The following MYLK2 variants were observed in gnomAD, a reference collection of about 807,000 sequenced individuals.
MYLK2 encodes the protein myosin light chain kinase 2, skeletal/cardiac muscle.
A neutral mutation model predicts 58.2 loss-of-function variants in MYLK2; 27 were observed. The observed-to-expected ratio is 0.46, with a 90% CI of 0.34 to 0.64. The LOEUF (loss-of-function observed/expected upper bound fraction) is 0.64. Among genes scored for constraint, MYLK2 ranks in the 30% least tolerant of loss-of-function variants. The probability of loss-of-function intolerance (pLI) is 0.01; values close to 1 mark genes in which losing one functional copy is unlikely to be tolerated. For synonymous variants in MYLK2, 310 were observed against 296.7 expected, an observed-to-expected ratio of 1.04 and a Z score of -0.46; for missense variants, 676 against 764.3, an observed-to-expected ratio of 0.88 and a Z score of 1.36.
rs747642542 is a variant in MYLK2, at chr20:31,831,762, T to G, written c.1484T>G (p.Leu495Arg). The G allele has an allele frequency of 2.5e-6, 4 of 1,614,016 alleles. No individual in the cohort carries two copies. Among genetic ancestry groups the G allele is most frequent in the African/African-American group, 2.7e-5 (2 of 74,892 alleles). Residue 495 changes from leucine (L) to arginine (R), a missense_variant, in exon 11 of 13, where the codon CTA becomes CGA. This residue lies in a region of MYLK2 where 370 missense variants were observed against 467.8 expected (regional missense o/e 0.79). Coordinates refer to ENST00000375985, the MANE Select transcript of MYLK2 (RefSeq NM_033118.4). ...DDDTETLNNVLSGNWYFDEET... is the reference protein window; with the variant it reads ...DDDTETLNNVRSGNWYFDEET... ...GACACAGAGACCCTAAACAACGTTC[T>G]ATCTGGCAACTGGTACTTTGATGAA...
chr20:31,823,350 T>TCCC, intron 4 of MYLK2, 127 bp from the exon 5 acceptor site: 3 of 788,692 alleles, frequency 3.8e-6, no homozygotes, highest in Non-Finnish European at 6.3e-6. Context: ...GAGCCAGGTG[T>TCCC]CCCCCAGGTA....
chr20:31,827,365 T>C (rs1300708768), intron 8 of MYLK2: 1 of 985,160 alleles, frequency 1.0e-6, no homozygotes, highest in Non-Finnish European at 1.2e-6. Flanking sequence ...GGGCCTACTT[T>C]ATGCCAGGCA....
rs2062320663 is a variant in MYLK2 at position 31,833,898 on chromosome 20, C to T, written c.*101C>T. 4 of 1,116,910 alleles carry T rather than the reference C, an allele frequency of 3.6e-6. No individual in the cohort carries two copies. The highest frequency in any genetic ancestry group is 5.3e-6 in the Non-Finnish European group (4 of 756,300). 69.2% of individuals were successfully genotyped at this position (1,116,910 alleles called of 1,614,324 possible). A position where few individuals can be genotyped will look rare whatever the true frequency, so the allele number is the denominator to read the frequency against. On this transcript the variant is annotated 3_prime_UTR_variant, in exon 13 of 13. Transcript: ENST00000375985. The stretch of plus-strand genomic sequence containing the variant: ...AAAGGCAGCCAGATCCCCAGGGCAG[C>T]CTCGTTAGGACAAGGCTGTGCCAGG...
rs551005458 is a variant in MYLK2, at chr20:31,819,674, G to A, written c.52+42G>A. 6 of 1,549,438 alleles carry A rather than the reference G, an allele frequency of 3.9e-6. No individual in the cohort carries two copies. The South Asian group carries it at 7.1e-5, about 18-fold the overall frequency. ...GGAGATGGAGGGAGGAGCTTGGGAA[G>A]GGGGGTTTTGAATCCAGGACTGGGC... On this transcript the variant is annotated intron_variant, in intron 2 of 12. Coordinates refer to ENST00000375985, the MANE Select transcript of MYLK2 (RefSeq NM_033118.4).
intron 3 of MYLK2, 90 bp from the exon 4 acceptor site, chr20:31,821,349 T>C: frequency 6.6e-7 from 1 of 1,511,988 alleles, no homozygotes; most frequent in Non-Finnish European, 9.1e-7. Context: ...TGGGGTGGGG[T>C]TGGATTAGCT....
At position 31,819,647 on chromosome 20, in the gene MYLK2, C is replaced by T. The variant is rs2062241529; in HGVS notation, c.52+15C>T. 3 of 1,551,458 alleles carry T rather than the reference C, an allele frequency of 1.9e-6. No individual in the cohort carries two copies. In the African/African-American group the frequency reaches 4.1e-5, roughly 21 times the overall value. On this transcript the variant is annotated intron_variant, in intron 2 of 12. Transcript: ENST00000375985. ...CCCATCAACAGGTGCCAAGCTGGGG[C>T]AGGAGATGGAGGGAGGAGCTTGGGA...
chr20:31,831,158 G>T lies in MYLK2; in HGVS notation c.1424+17G>T. On this transcript the variant is annotated intron_variant, in intron 10 of 12. Coordinates refer to ENST00000375985, the MANE Select transcript of MYLK2 (RefSeq NM_033118.4). ...CTACATGCTGTGAGCTCCCAGGCGG[G>T]TCGTGTTTATGGGGTTGGTGGGGCA... 1.9e-6 allele frequency: 3 copies of T among 1,614,064 alleles called. No homozygotes were observed. The highest frequency in any genetic ancestry group is 2.5e-6 in the Non-Finnish European group (3 of 1,179,970).
intron 8 of MYLK2, 44 bp downstream of exon 8, chr20:31,826,982 G>A (rs745937350): frequency 6.9e-5 from 111 of 1,612,552 alleles, no homozygotes; most frequent in African/African-American, 9.3e-5. Flanking sequence ...GGCAGCCTCC[G>A]ACCCCCTGAG....
intron 2 of MYLK2, 73 bp downstream of exon 2, chr20:31,819,705 C>A: frequency 6.6e-7 from 1 of 1,510,880 alleles, no homozygotes; most frequent in Non-Finnish European, 9.0e-7. Flanking sequence ...TGGGCAGGTT[C>A]CTCAGTGGGA....
Position 31,830,800 on chromosome 20 carries a change from C to A in MYLK2, c.1225-19C>A, listed in dbSNP as rs2062302149. On this transcript the variant is annotated intron_variant, in intron 8 of 12. Coordinates refer to ENST00000375985, the MANE Select transcript of MYLK2 (RefSeq NM_033118.4). The stretch of plus-strand genomic sequence containing the variant: ...TGAGCTGGTCAGAGGCCCACCCAGG[C>A]CACCCCCTTTCTCCTCAGCCAGAGA... 6.2e-7 allele frequency: 1 copy of A among 1,613,330 alleles called. No individual in the cohort carries two copies. Among genetic ancestry groups the A allele is most frequent in the African/African-American group, 1.3e-5 (1 of 74,890 alleles).
chr20:31,823,982 T>C (rs1386208142), intron 5 of MYLK2: 1 of 984,312 alleles, frequency 1.0e-6, no homozygotes, highest in African/African-American at 1.8e-5. Flanking sequence ...GCCCTAAACC[T>C]CTAAGGGTCG....
chr20:31,831,927 C>A, intron 11 of MYLK2, 72 bp downstream of exon 11: 1 of 1,613,194 alleles, frequency 6.2e-7, no homozygotes, highest in Non-Finnish European at 8.5e-7. Context: ...AGGGCGGGAG[C>A]CAGGTAGAGA....
chr20:31,829,415 C>T (rs958510582), intron 8 of MYLK2, among the ~76,000 whole-genome samples: 1 of 152,156 alleles, frequency 6.6e-6, no homozygotes, highest in African/African-American at 2.4e-5. Flanking sequence ...TCCCCAAATG[C>T]TTGTACCCTG....
At position 31,833,851 on chromosome 20, in the gene MYLK2, C is replaced by A; in HGVS notation, c.*54C>A. 7 of 1,524,438 alleles carry A rather than the reference C, an allele frequency of 4.6e-6. No homozygotes were observed. Among genetic ancestry groups the A allele is most frequent in the Non-Finnish European group, 6.3e-6 (7 of 1,107,898 alleles). The allele number at this position is 1,524,438 out of a possible 1,614,324, so 94.4% of individuals were successfully genotyped here. ...AGCCACACAGTGGCCGGGGCTGAAG[C>A]CACACAGCCCAGAAGGCCAGAAAAG... On this transcript the variant is annotated 3_prime_UTR_variant, in exon 13 of 13. Coordinates refer to ENST00000375985, the MANE Select transcript of MYLK2 (RefSeq NM_033118.4).
At chr20:31,833,637 G>A (rs1010657666) in intron 12 of MYLK2, 80 bp from the exon 13 acceptor site, 2 of 1,266,424 alleles carry the variant, frequency 1.6e-6, no homozygotes, top group Admixed American at 1.7e-5. Flanking sequence ...GACTGAAGGG[G>A]ACTTACAGGC....
chr20:31,828,855 G>A (rs1030502122), intron 8 of MYLK2, among the ~76,000 whole-genome samples: 2 of 152,314 alleles, frequency 1.3e-5, no homozygotes, highest in East Asian at 1.9e-4. Context: ...GGGCCAGAGT[G>A]GATGCAGGGA....
rs561836424 is a variant in MYLK2, at chr20:31,819,992, G to A, written c.53-134G>A. 1.5e-4 allele frequency: 177 copies of A among 1,173,954 alleles called. 2 individuals are homozygous for A. In the South Asian group the frequency reaches 2.2e-3, roughly 15 times the overall value. The allele number at this position is 1,173,954 out of a possible 1,614,324, so 72.7% of individuals were successfully genotyped here. ...CTCTAGGGGCCATCAAGTGGCCCCA[G>A]AGACTCAGTGGGACAAGCATTTGCA... On this transcript the variant is annotated intron_variant, in intron 2 of 12. Transcript: ENST00000375985.
At chr20:31,821,773 G>A (rs2062253332) in intron 4 of MYLK2, 36 bp downstream of exon 4, 1 of 1,541,618 alleles carries the variant, frequency 6.5e-7, no homozygotes, top group Admixed American at 1.9e-5. Flanking sequence ...GGGCTGCCCT[G>A]GGGCCAGGGG....
chr20:31,828,105 C>G (rs2062289529), intron 8 of MYLK2: 2 of 838,960 alleles, frequency 2.4e-6, no homozygotes, highest in South Asian at 1.1e-4. Flanking sequence ...TCAGGCTGGT[C>G]TTGAACTCCT....
Sources: allele counts gnomAD v4.1 joint callset (sites outside exome capture counted in the v4.1 genomes callset), GRCh38; gene constraint gnomAD v4.1.1; regional missense constraint gnomAD v4.1.1; transcripts MANE v1.5; gene names NCBI Gene and HGNC (gene_info 2026-07-23, HGNC 2026-07-21).